Variants in PARD3 observed in about 807,000 individuals in gnomAD.
PARD3 encodes partitioning defective 3 homolog.
A neutral mutation model predicts 155.4 loss-of-function variants in PARD3; 75 were observed. The observed-to-expected ratio is 0.48, with a 90% CI of 0.40 to 0.58. The LOEUF (loss-of-function observed/expected upper bound fraction) is 0.58, where lower values mean the gene tolerates loss of function less well. PARD3 is among the 20% of genes least tolerant of loss of function. The pLI is 0.00. For synonymous variants in PARD3, 576 were observed against 610.5 expected, an observed-to-expected ratio of 0.94 and a Z score of 0.83; for missense variants, 1,642 against 1,721.7, an observed-to-expected ratio of 0.95 and a Z score of 0.82.
At chr10:34,476,308 A>T (rs183600336) in intron 3 of PARD3, among the ~76,000 whole-genome samples, 2 of 152,274 alleles carry the variant, frequency 1.3e-5, no homozygotes, top group Non-Finnish European at 2.9e-5. Flanking sequence ...AAACACTGCG[A>T]GTGTGTGGGG....
At chr10:34,492,236 T>C (rs1223194110) in intron 3 of PARD3, among the ~76,000 whole-genome samples, 1 of 152,166 alleles carries the variant, frequency 6.6e-6, no homozygotes, top group African/African-American at 2.4e-5. Context: ...AGAAGAGTCA[T>C]CCAGGATGAC....
intron 22 of PARD3, among the ~76,000 whole-genome samples, chr10:34,211,652 C>T (rs1270584144): frequency 9.2e-5 from 14 of 151,930 alleles, no homozygotes; most frequent in Non-Finnish European, 1.6e-4. Flanking sequence ...TGGTGGTGGG[C>T]GCCTGTAATC....
intron 2 of PARD3, among the ~76,000 whole-genome samples, chr10:34,531,261 C>T (rs1564815219): frequency 6.6e-6 from 1 of 152,152 alleles, no homozygotes; most frequent in African/African-American, 2.4e-5. Context: ...CGTGTTTAGG[C>T]AGACACTCTT....
chr10:34,179,166 G>GCACACA (rs150884195), intron 22 of PARD3, among the ~76,000 whole-genome samples: 3 of 131,236 alleles, frequency 2.3e-5, no homozygotes, highest in Admixed American at 1.4e-4. Context: ...ATGTGCGTGC[G>GCACACA]CGCACACACA....
chr10:34,681,422 C>T (rs2093817136), intron 2 of PARD3, among the ~76,000 whole-genome samples: 1 of 151,902 alleles, frequency 6.6e-6, no homozygotes, highest in Non-Finnish European at 1.5e-5. Flanking sequence ...AAAGTTAGAA[C>T]TAGCCCATCT....
Position 34,605,180 on chromosome 10 carries a change from A to ATTTTTTT in PARD3, c.223-88028_223-88022dup, listed in dbSNP as rs750688603. ...TGATCTGAAACAGCCCCAAAATGAA[A>ATTTTTTT]TTTTTTTTTTTTTTTTTTTTTTTTT... On this transcript the variant is annotated intron_variant, in intron 2 of 24. Transcript: ENST00000374788. Among the ~76,000 whole-genome samples the ATTTTTTT allele has an allele frequency of 1.1e-4, 7 of 62,432 alleles. 1 individual carries two copies. The highest frequency in any genetic ancestry group is 3.3e-4 in the African/African-American group (6 of 18,088). 41.0% of individuals were successfully genotyped at this position (62,432 alleles called of 152,430 possible).
intron 15 of PARD3, chr10:34,343,845 T>A: frequency 2.0e-6 from 2 of 982,088 alleles, no homozygotes; most frequent in Non-Finnish European, 2.4e-6. Flanking sequence ...CAGTATCTTG[T>A]AGAGGAGTGA....
At chr10:34,711,381 C>T (rs576782432) in intron 1 of PARD3, among the ~76,000 whole-genome samples, 19 of 152,074 alleles carry the variant, frequency 1.2e-4, no homozygotes, top group African/African-American at 4.3e-4. Flanking sequence ...GCTAGCTGGG[C>T]GTGGTGATGG....
intron 2 of PARD3, among the ~76,000 whole-genome samples, chr10:34,548,053 A>G (rs1199759643): frequency 1.3e-5 from 2 of 152,202 alleles, no homozygotes; most frequent in Admixed American, 1.3e-4. Context: ...TTTTTAGGTT[A>G]TAGCAGTTAG....
At chr10:34,206,923 C>T (rs1951507672) in intron 22 of PARD3, among the ~76,000 whole-genome samples, 1 of 152,142 alleles carries the variant, frequency 6.6e-6, no homozygotes, top group Admixed American at 6.5e-5. Flanking sequence ...TTGTCCCATA[C>T]AGCCAGAGAA....
intron 3 of PARD3, among the ~76,000 whole-genome samples, chr10:34,474,295 C>T (rs954183949): frequency 6.6e-6 from 1 of 152,164 alleles, no homozygotes; most frequent in African/African-American, 2.4e-5. Context: ...GGCAGCATAA[C>T]CCAGGTCCAA....
At chr10:34,480,380 G>A (rs954071392) in intron 3 of PARD3, among the ~76,000 whole-genome samples, 2 of 152,126 alleles carry the variant, frequency 1.3e-5, no homozygotes, top group Non-Finnish European at 2.9e-5. Context: ...GACTATAGGT[G>A]GACACCACTA....
intron 1 of PARD3, among the ~76,000 whole-genome samples, chr10:34,705,646 C>CA (rs1413254033): frequency 6.6e-6 from 1 of 152,078 alleles, no homozygotes. Flanking sequence ...TGATGTTCAA[C>CA]AACAAAATAA....
rs75162344 is a variant in PARD3, at chr10:34,292,305, A to C, written c.3066-8060T>G. Among the ~76,000 whole-genome samples the C allele has an allele frequency of 8.0e-3, 1,215 of 152,324 alleles. 12 individuals carry two copies. Among genetic ancestry groups the C allele is most frequent in the African/African-American group, 0.028 (1,146 of 41,570 alleles). Reference sequence around the variant, plus strand: ...GAAAAGAAAATAAGTCACTTCTAATATGTCCTTCCTGTACAGGATCTTACA... The same window carrying C: ...GAAAAGAAAATAAGTCACTTCTAATCTGTCCTTCCTGTACAGGATCTTACA... On this transcript the variant is annotated intron_variant, in intron 20 of 24. Coordinates refer to ENST00000374788, the MANE Select transcript of PARD3 (RefSeq NM_001184785.2).
intron 15 of PARD3, among the ~76,000 whole-genome samples, chr10:34,343,042 A>G (rs954205185): frequency 6.6e-6 from 1 of 152,220 alleles, no homozygotes; most frequent in Admixed American, 6.5e-5. Flanking sequence ...ATACAGTATT[A>G]GAATATTAGG....
At chr10:34,781,392 T>C (rs1333232142) in intron 1 of PARD3, among the ~76,000 whole-genome samples, 1 of 152,218 alleles carries the variant, frequency 6.6e-6, no homozygotes, top group African/African-American at 2.4e-5. Flanking sequence ...TTTACTGGTT[T>C]CTGGTGGTTT....
intron 1 of PARD3, among the ~76,000 whole-genome samples, chr10:34,777,003 A>ATTTTTTTTTTTTT (rs758917237): frequency 2.8e-4 from 34 of 122,392 alleles, no homozygotes; most frequent in African/African-American, 1.1e-3. Flanking sequence ...TGTCTGGCTA[A>ATTTTTTTTTTTTT]TTTTTTTTTT....
chr10:34,782,365 A>G (rs1840341923), intron 1 of PARD3, among the ~76,000 whole-genome samples: 1 of 152,282 alleles, frequency 6.6e-6, no homozygotes, highest in Admixed American at 6.5e-5. Context: ...GAATCTTGAC[A>G]GGGGACTGCA....
chr10:34,783,706 A>C (rs1335171526), intron 1 of PARD3, among the ~76,000 whole-genome samples: 1 of 152,044 alleles, frequency 6.6e-6, no homozygotes, highest in Admixed American at 6.6e-5. Flanking sequence ...AATCAACCAC[A>C]TCATAAAAAC....
Sources: gnomAD v4.1 joint callset for allele counts (sites outside exome capture counted in the v4.1 genomes callset) on GRCh38, gnomAD v4.1.1 for gene constraint, MANE v1.5 for transcripts, NCBI Gene and HGNC (gene_info 2026-07-23, HGNC 2026-07-21) for gene names.